Variants in LGR4 observed in about 807,000 individuals in gnomAD.
The protein encoded by LGR4 is leucine rich repeat containing G protein-coupled receptor 4.
Under a neutral mutation model 84.8 loss-of-function variants are expected in LGR4, and 44 were observed. That is an observed-to-expected ratio of 0.52 (90% CI 0.41 to 0.67). The LOEUF (loss-of-function observed/expected upper bound fraction) is 0.67. Among genes scored for constraint, LGR4 ranks in the 30% least tolerant of loss-of-function variants. The probability of loss-of-function intolerance (pLI) is 0.00; values close to 1 mark genes in which losing one functional copy is unlikely to be tolerated. For synonymous variants in LGR4, 429 were observed against 434.3 expected (o/e 0.99, Z 0.15); for missense variants, 1,032 against 1,131.4 (o/e 0.91, Z 1.26).
chr11:27,463,385 A>C (rs1390665665), intron 1 of LGR4, among the ~76,000 whole-genome samples: 4 of 152,218 alleles, frequency 2.6e-5, no homozygotes, highest in African/African-American at 9.6e-5. Context: ...ATGTTTAAAA[A>C]CTAATCAAAT....
At chr11:27,415,796 A>G (rs1255042367) in intron 1 of LGR4, among the ~76,000 whole-genome samples, 1 of 152,100 alleles carries the variant, frequency 6.6e-6, no homozygotes, top group Non-Finnish European at 1.5e-5. Context: ...CTGTAGTTAC[A>G]GAGTATAGTT....
intron 1 of LGR4, 97 bp downstream of exon 1, chr11:27,472,021 G>T: frequency 1.1e-6 from 1 of 887,668 alleles, no homozygotes; most frequent in African/African-American, 1.8e-5. Flanking sequence ...GCGGCGGGGC[G>T]GGGTGGGGTG....
intron 2 of LGR4, among the ~76,000 whole-genome samples, chr11:27,402,546 T>C (rs571167350): frequency 6.6e-6 from 1 of 152,320 alleles, no homozygotes; most frequent in East Asian, 1.9e-4. Context: ...AATTGAGTTT[T>C]GTCACTTGCT....
At chr11:27,389,653 T>C (rs960297991) in intron 4 of LGR4, among the ~76,000 whole-genome samples, 1 of 152,096 alleles carries the variant, frequency 6.6e-6, no homozygotes, top group African/African-American at 2.4e-5. Flanking sequence ...TCTTACAAAA[T>C]GACAATTCAA....
chr11:27,373,912 A>C, intron 14 of LGR4, 63 bp downstream of exon 14: 1 of 1,192,986 alleles, frequency 8.4e-7, no homozygotes, highest in Non-Finnish European at 1.3e-6. Context: ...ACAATGTTAA[A>C]ACAGATGTTT....
At chr11:27,372,674 T>C (rs1373117119) in intron 15 of LGR4, among the ~76,000 whole-genome samples, 1 of 152,224 alleles carries the variant, frequency 6.6e-6, no homozygotes, top group Non-Finnish European at 1.5e-5. Flanking sequence ...AGCAGTACTG[T>C]AATTTAAAGT....
At chr11:27,372,055 G>C (rs1298088938) in intron 16 of LGR4, among the ~76,000 whole-genome samples, 1 of 152,032 alleles carries the variant, frequency 6.6e-6, no homozygotes, top group Non-Finnish European at 1.5e-5. Context: ...TATATAGAGA[G>C]AGTCTCACTT....
chr11:27,424,119 AT>A (rs530956298), intron 1 of LGR4, among the ~76,000 whole-genome samples: 238 of 152,324 alleles, frequency 1.6e-3, no homozygotes, highest in African/African-American at 5.6e-3. Flanking sequence ...AGAGAAACAA[AT>A]GTCTTAGAAA....
chr11:27,394,875 A>C (rs1863357891), intron 2 of LGR4, among the ~76,000 whole-genome samples: 1 of 152,002 alleles, frequency 6.6e-6, no homozygotes, highest in African/African-American at 2.4e-5. Context: ...TGCCTTCAAG[A>C]ACAGGATGTG....
chr11:27,403,145 G>A (rs959728094), intron 2 of LGR4, among the ~76,000 whole-genome samples: 1 of 152,176 alleles, frequency 6.6e-6, no homozygotes, highest in Non-Finnish European at 1.5e-5. Flanking sequence ...ATTAAAGACA[G>A]TACATCCAAT....
At chr11:27,407,482 A>G (rs1433160384) in intron 2 of LGR4, among the ~76,000 whole-genome samples, 2 of 152,170 alleles carry the variant, frequency 1.3e-5, no homozygotes, top group African/African-American at 2.4e-5. Context: ...TAAATAAGTA[A>G]TAATAAACTC....
intron 1 of LGR4, among the ~76,000 whole-genome samples, chr11:27,450,484 C>A (rs1382740696): frequency 3.3e-5 from 5 of 152,130 alleles, no homozygotes; most frequent in Non-Finnish European, 7.3e-5. Context: ...AAAAAATACT[C>A]AACACAGAAA....
intron 1 of LGR4, among the ~76,000 whole-genome samples, chr11:27,443,836 T>C (rs1479951956): frequency 6.6e-6 from 1 of 152,174 alleles, no homozygotes; most frequent in East Asian, 1.9e-4. Context: ...AGCTGCTCTA[T>C]GGAAAAAGAC....
At chr11:27,375,128 A>G (rs545243008) in intron 13 of LGR4, among the ~76,000 whole-genome samples, 48 of 151,340 alleles carry the variant, frequency 3.2e-4, no homozygotes, top group Non-Finnish European at 5.8e-4. Flanking sequence ...TACCAAAAAA[A>G]AAAAAAAGAA....
Position 27,368,983 on chromosome 11 carries a change from A to C in LGR4, c.1740T>G (p.Ile580Met). Residue 580 changes from isoleucine to methionine, a missense_variant, in exon 18 of 18, where the codon ATT becomes ATG. Physicochemically the swap from Ile to Met is conservative, Grantham distance 10. Transcript: ENST00000379214. Reference sequence around the variant, plus strand: ...TTCCCATGAATAAGTTAGACACAGAAATCAAGCCTATAAACAATTTGGACG... The same window carrying C: ...TTCCCATGAATAAGTTAGACACAGACATCAAGCCTATAAACAATTTGGACG... ...LPSSKLFIGL[I>M]SVSNLFMGIY... is the part of the protein sequence containing the mutation. The C allele has an allele frequency of 6.2e-7, 1 of 1,614,104 alleles. No homozygotes were observed. Among genetic ancestry groups the C allele is most frequent in the Non-Finnish European group, 8.5e-7 (1 of 1,179,994 alleles).
At chr11:27,450,010 C>T (rs1335427367) in intron 1 of LGR4, among the ~76,000 whole-genome samples, 1 of 152,204 alleles carries the variant, frequency 6.6e-6, no homozygotes. Context: ...CAGAACTTGG[C>T]TACATCTCCC....
At chr11:27,429,223 G>T (rs935681765) in intron 1 of LGR4, among the ~76,000 whole-genome samples, 1 of 152,236 alleles carries the variant, frequency 6.6e-6, no homozygotes, top group Middle Eastern at 3.4e-3. Context: ...GGTGGTTCAC[G>T]CCTGTAATCC....
In LGR4 at chr11:27,380,643, G is replaced by A; in HGVS notation, c.899C>T (p.Ser300Phe). 4 of 1,556,722 alleles carry A rather than the reference G, an allele frequency of 2.6e-6. No individual in the cohort carries two copies. Among genetic ancestry groups the A allele is most frequent in the Non-Finnish European group, 3.5e-6 (4 of 1,130,484 alleles). Residue 300 changes from serine to phenylalanine, a missense_variant, in exon 9 of 18, where the codon TCC (serine) becomes TTC (phenylalanine). Transcript: ENST00000379214. ...SAFHNLSDLH[S>F]LVIRGASMVQ... ...GTTTTTAAATTCACATACTTACAGGGAATGAAGATCAGATAAATTGTGAAA... is the reference window on the plus strand; with the variant it reads ...GTTTTTAAATTCACATACTTACAGGAAATGAAGATCAGATAAATTGTGAAA...
Position 27,367,791 on chromosome 11 carries a change from A to G in LGR4, c.*76T>C. 9.2e-7 allele frequency: 1 copy of G among 1,085,518 alleles called. No individual in the cohort carries two copies. The highest frequency in any genetic ancestry group is 1.6e-5 in the African/African-American group (1 of 63,794). The allele number at this position is 1,085,518 out of a possible 1,614,324, so 67.2% of individuals were successfully genotyped here. On this transcript the variant is annotated 3_prime_UTR_variant, in exon 18 of 18. Transcript: ENST00000379214. ...CAGTGATTACAGAAGTGCTTCCCAG[A>G]TGAAAGATGAGAATAGGGTTCACTC...
Sources: gnomAD v4.1 joint callset for allele counts (sites outside exome capture counted in the v4.1 genomes callset) on GRCh38, gnomAD v4.1.1 for gene constraint, MANE v1.5 for transcripts, NCBI Gene and HGNC (gene_info 2026-07-23, HGNC 2026-07-21) for gene names.